The following HACE1 variants were observed in gnomAD, a reference collection of about 807,000 sequenced individuals.
HACE1 encodes the protein E3 ubiquitin-protein ligase HACE1.
A neutral mutation model predicts 118.4 loss-of-function variants in HACE1; 73 were observed. That is an observed-to-expected ratio of 0.62 (90% CI 0.51 to 0.75). The LOEUF (loss-of-function observed/expected upper bound fraction) is 0.75, where lower values mean the gene tolerates loss of function less well. HACE1 is among the 30% of genes least tolerant of loss of function. HACE1 has a pLI of 0.00. For synonymous variants in HACE1, 368 were observed against 374.8 expected, an observed-to-expected ratio of 0.98 and a Z score of 0.21; for missense variants, 749 against 1,102.2, an observed-to-expected ratio of 0.68 and a Z score of 4.54.
chr6:104,817,117 C>A (rs1424762863), intron 6 of HACE1, among the ~76,000 whole-genome samples: 1 of 152,138 alleles, frequency 6.6e-6, no homozygotes, highest in East Asian at 1.9e-4. Flanking sequence ...GAACTGTGGA[C>A]TTCTGAGTTA....
intron 6 of HACE1, among the ~76,000 whole-genome samples, chr6:104,824,266 C>T (rs1450911291): frequency 3.9e-5 from 6 of 152,158 alleles, no homozygotes; most frequent in African/African-American, 7.2e-5. Context: ...ACCACAATAA[C>T]AAATTATTTT....
At chr6:104,830,021 T>C (rs1229277609) in intron 6 of HACE1, among the ~76,000 whole-genome samples, 5 of 152,222 alleles carry the variant, frequency 3.3e-5, no homozygotes, top group African/African-American at 1.2e-4. Context: ...CTTGCTTCTA[T>C]ACTGGTTCAA....
intron 22 of HACE1, among the ~76,000 whole-genome samples, chr6:104,738,045 C>A (rs577049886): frequency 7.3e-5 from 11 of 151,408 alleles, no homozygotes; most frequent in African/African-American, 2.4e-4. Flanking sequence ...GAGGCACCCC[C>A]CAGCAGGGGC....
intron 1 of HACE1, among the ~76,000 whole-genome samples, chr6:104,855,481 A>ATGTTT (rs1480222299): frequency 6.6e-6 from 1 of 152,074 alleles, no homozygotes; most frequent in Non-Finnish European, 1.5e-5. Flanking sequence ...AAATAAAAAG[A>ATGTTT]TAATATATCC....
intron 6 of HACE1, among the ~76,000 whole-genome samples, chr6:104,819,965 T>G (rs6917617): frequency 1 from 151,926 of 152,314 alleles, 75,769 homozygotes; most frequent in Middle Eastern, 1. Flanking sequence ...GGGAGGCCAA[T>G]GCTGGTGGAT....
chr6:104,823,057 G>A (rs1377023034), intron 6 of HACE1, among the ~76,000 whole-genome samples: 1 of 152,098 alleles, frequency 6.6e-6, no homozygotes, highest in Non-Finnish European at 1.5e-5. Context: ...GTATTTGGTT[G>A]GTGAAAAAGT....
At chr6:104,790,269 T>C (rs542818244) in intron 11 of HACE1, among the ~76,000 whole-genome samples, 14 of 152,268 alleles carry the variant, frequency 9.2e-5, no homozygotes, top group Middle Eastern at 6.8e-3. Context: ...GCAAACTTTA[T>C]TTTTACCTTT....
At chr6:104,831,825 G>A (rs1461610627) in intron 6 of HACE1, among the ~76,000 whole-genome samples, 1 of 141,540 alleles carries the variant, frequency 7.1e-6, no homozygotes, top group Non-Finnish European at 1.5e-5. Flanking sequence ...CCCGGGAGGC[G>A]GAGCTTGCAG....
chr6:104,849,283 A>T, intron 3 of HACE1, 37 bp from the exon 4 acceptor site: 1 of 1,118,752 alleles, frequency 8.9e-7, no homozygotes, highest in Non-Finnish European at 1.4e-6. Context: ...GATACATTCA[A>T]CATACAGCCA....
At chr6:104,821,802 T>C (rs1280904098) in intron 6 of HACE1, among the ~76,000 whole-genome samples, 7 of 152,216 alleles carry the variant, frequency 4.6e-5, no homozygotes, top group Non-Finnish European at 7.3e-5. Context: ...ATTTATTTAG[T>C]ACTAACGGCT....
intron 7 of HACE1, among the ~76,000 whole-genome samples, chr6:104,805,617 C>T (rs1256219896): frequency 6.6e-6 from 1 of 152,146 alleles, no homozygotes; most frequent in Non-Finnish European, 1.5e-5. Context: ...GAAAACTAAA[C>T]ACCGCATGTT....
chr6:104,857,739 CGAG>C (rs1776873622), intron 1 of HACE1, among the ~76,000 whole-genome samples: 1 of 151,510 alleles, frequency 6.6e-6, no homozygotes. Context: ...GGGCAGATCA[CGAG>C]GTCAGGCGAT....
intron 14 of HACE1, among the ~76,000 whole-genome samples, chr6:104,781,104 C>T (rs1199920149): frequency 1.3e-5 from 2 of 152,126 alleles, no homozygotes; most frequent in Non-Finnish European, 2.9e-5. Flanking sequence ...TGTAAGGCAC[C>T]CTTTTTCTCT....
At chr6:104,829,977 T>C (rs1386186326) in intron 6 of HACE1, among the ~76,000 whole-genome samples, 3 of 152,218 alleles carry the variant, frequency 2.0e-5, no homozygotes, top group Non-Finnish European at 4.4e-5. Flanking sequence ...CAGCCTGTAA[T>C]GCACATGTTT....
chr6:104,837,730 G>C (rs572095989), intron 5 of HACE1, among the ~76,000 whole-genome samples: 1 of 152,052 alleles, frequency 6.6e-6, no homozygotes, highest in African/African-American at 2.4e-5. Flanking sequence ...GAGCAATCAG[G>C]CAAAAGAAAG....
chr6:104,831,980 GAGGA>G (rs71276551), intron 6 of HACE1, among the ~76,000 whole-genome samples: 2,012 of 62,350 alleles, frequency 0.032, 115 homozygotes, highest in Non-Finnish European at 0.035. Flanking sequence ...GAAGAGAAGA[GAGGA>G]AGGAAGGAAG....
chr6:104,794,131 T>A (rs1783363945), intron 10 of HACE1, among the ~76,000 whole-genome samples: 1 of 152,146 alleles, frequency 6.6e-6, no homozygotes. Flanking sequence ...TAACTTCAAT[T>A]TTTTTACATG....
intron 19 of HACE1, among the ~76,000 whole-genome samples, chr6:104,760,045 A>T (rs1271307868): frequency 2.0e-5 from 3 of 152,218 alleles, no homozygotes; most frequent in Non-Finnish European, 4.4e-5. Context: ...TCTGAAATTG[A>T]GGCAATAATT....
At position 104,818,674 on chromosome 6, in the gene HACE1, C is replaced by T. The variant is rs567230153; in HGVS notation, c.535-7281G>A. 3.3e-5 allele frequency among the ~76,000 whole-genome samples: 5 copies of T among 152,180 alleles called. 1 individual carries two copies. In the South Asian group the frequency reaches 1.0e-3, roughly 32 times the overall value. On this transcript the variant is annotated intron_variant, in intron 6 of 23. Coordinates refer to ENST00000262903, the MANE Select transcript of HACE1 (RefSeq NM_020771.4). Reference sequence around the variant, plus strand: ...CAGAATCCAGCAGCACATCAAAAAGCTCATACACCATAATCAAGTAGGCTT... The same window carrying T: ...CAGAATCCAGCAGCACATCAAAAAGTTCATACACCATAATCAAGTAGGCTT...
Sources: allele counts gnomAD v4.1 joint callset (sites outside exome capture counted in the v4.1 genomes callset), GRCh38; gene constraint gnomAD v4.1.1; transcripts MANE v1.5; gene names NCBI Gene and HGNC (gene_info 2026-07-23, HGNC 2026-07-21).